PLD5: variants seen among roughly 807,000 people sequenced by gnomAD.
PLD5 encodes inactive phospholipase D5.
PLD5 carries 36 observed loss-of-function variants against 61.1 expected under a neutral mutation model. That is an observed-to-expected ratio of 0.59 (90% CI 0.45 to 0.78). The LOEUF is 0.78. Ranked by LOEUF, PLD5 falls within the 30% of genes least tolerant of loss-of-function variation. The probability of loss-of-function intolerance (pLI) is 0.00; values close to 1 mark genes in which losing one functional copy is unlikely to be tolerated. For synonymous variants in PLD5, 243 were observed against 242.8 expected, an observed-to-expected ratio of 1.00 and a Z score of -0.01; for missense variants, 515 against 644.4, an observed-to-expected ratio of 0.80 and a Z score of 2.17.
At chr1:242,268,971 T>C (rs1332168702) in intron 3 of PLD5, among the ~76,000 whole-genome samples, 1 of 152,166 alleles carries the variant, frequency 6.6e-6, no homozygotes, top group Non-Finnish European at 1.5e-5. Flanking sequence ...GCTTCCCATG[T>C]AGCTGGCACT....
chr1:242,407,468 T>A (rs984003119), intron 1 of PLD5, among the ~76,000 whole-genome samples: 4 of 152,168 alleles, frequency 2.6e-5, no homozygotes, highest in African/African-American at 7.2e-5. Context: ...GAGGTAATCA[T>A]GACTAACAGT....
At chr1:242,339,178 T>C (rs1659696094) in intron 2 of PLD5, among the ~76,000 whole-genome samples, 1 of 152,196 alleles carries the variant, frequency 6.6e-6, no homozygotes, top group African/African-American at 2.4e-5. Context: ...CTTTAATTTA[T>C]ACTTGTATTT....
rs192716279 is a variant in PLD5 at position 242,312,059 on chromosome 1, T to G, written c.327-23529A>C. On this transcript the variant is annotated intron_variant, in intron 2 of 9. Coordinates refer to ENST00000536534, the MANE Select transcript of PLD5 (RefSeq NM_001372062.1). ...CTTCTGTCCAGAATTTCTATTTGAC[T>G]TTTATAATTTCTACTTTTTTTATAT... Among the ~76,000 whole-genome samples, 1,330 of 152,070 alleles carry G rather than the reference T, an allele frequency of 8.7e-3. 26 individuals carry two copies. Among genetic ancestry groups the G allele is most frequent in the African/African-American group, 0.031 (1,272 of 41,536 alleles).
At chr1:242,253,996 CA>C (rs1322501413) in intron 4 of PLD5, among the ~76,000 whole-genome samples, 7 of 152,148 alleles carry the variant, frequency 4.6e-5, no homozygotes, top group Admixed American at 3.9e-4. Flanking sequence ...TGAACAATTC[CA>C]ATACAAACTG....
At chr1:242,144,853 GA>G (rs1664438868) in intron 5 of PLD5, among the ~76,000 whole-genome samples, 2 of 152,118 alleles carry the variant, frequency 1.3e-5, no homozygotes, top group Non-Finnish European at 2.9e-5. Flanking sequence ...TGGGTGGCTT[GA>G]GTGAACAATG....
chr1:242,112,892 G>A (rs1209042012), intron 7 of PLD5, among the ~76,000 whole-genome samples: 1 of 152,172 alleles, frequency 6.6e-6, no homozygotes, highest in East Asian at 1.9e-4. Context: ...CCTAAGCATG[G>A]CCACGCATTT....
chr1:242,488,584 G>A (rs912290944), intron 1 of PLD5, among the ~76,000 whole-genome samples: 1 of 152,206 alleles, frequency 6.6e-6, no homozygotes, highest in African/African-American at 2.4e-5. Flanking sequence ...CAAGGGCTCA[G>A]GGGAGGAAGG....
chr1:242,420,977 C>T (rs999431400), intron 1 of PLD5, among the ~76,000 whole-genome samples: 12 of 151,970 alleles, frequency 7.9e-5, no homozygotes, highest in African/African-American at 2.9e-4. Flanking sequence ...GTCAAGAGAT[C>T]GAGTCCATCC....
intron 5 of PLD5, among the ~76,000 whole-genome samples, chr1:242,182,664 G>A (rs1262911055): frequency 3.3e-5 from 5 of 152,064 alleles, no homozygotes; most frequent in East Asian, 3.9e-4. Flanking sequence ...CCAACATGGC[G>A]AAAAACCATC....
intron 7 of PLD5, among the ~76,000 whole-genome samples, chr1:242,113,034 G>A (rs576922178): frequency 6.6e-6 from 1 of 151,690 alleles, no homozygotes; most frequent in Non-Finnish European, 1.5e-5. Context: ...TCACAGAGAG[G>A]GATGGATTGA....
intron 2 of PLD5, among the ~76,000 whole-genome samples, chr1:242,290,665 A>C (rs1477392490): frequency 1.3e-5 from 2 of 152,124 alleles, no homozygotes; most frequent in Non-Finnish European, 2.9e-5. Context: ...GAAAAAAAGA[A>C]GCTTGAATTT....
intron 1 of PLD5, among the ~76,000 whole-genome samples, chr1:242,385,345 T>C (rs1662536715): frequency 6.6e-6 from 1 of 152,176 alleles, no homozygotes; most frequent in South Asian, 2.1e-4. Context: ...GCTGGCTCCT[T>C]GCTTCTAGCC....
chr1:242,473,155 T>C (rs1004726077), intron 1 of PLD5, among the ~76,000 whole-genome samples: 5 of 152,198 alleles, frequency 3.3e-5, no homozygotes, highest in African/African-American at 9.6e-5. Context: ...CAATTAGCAA[T>C]ACATCACGGT....
intron 8 of PLD5, among the ~76,000 whole-genome samples, chr1:242,107,456 T>C (rs7412254): frequency 0.87 from 132,545 of 152,140 alleles, 57,955 homozygotes; most frequent in African/African-American, 0.95. Context: ...CAACAGAAAG[T>C]GAGAAGAGGG....
chr1:242,217,885 G>A (rs76072862), intron 5 of PLD5, among the ~76,000 whole-genome samples: 13,936 of 152,214 alleles, frequency 0.092, 711 homozygotes, highest in Middle Eastern at 0.15. Context: ...AGGGAAAGTG[G>A]TTGAGATGAA....
At chr1:242,162,782 TTAGAA>T (rs1288918138) in intron 5 of PLD5, among the ~76,000 whole-genome samples, 2 of 151,838 alleles carry the variant, frequency 1.3e-5, no homozygotes, top group Non-Finnish European at 2.9e-5. Flanking sequence ...CTCTGCTAAA[TTAGAA>T]TAGACAGACA....
intron 3 of PLD5, among the ~76,000 whole-genome samples, chr1:242,284,135 T>TCC (rs1674882784): frequency 8.0e-6 from 1 of 125,122 alleles, no homozygotes; most frequent in African/African-American, 3.1e-5. Flanking sequence ...TTTTTTTTTT[T>TCC]TTTTTTTTTT....
intron 5 of PLD5, among the ~76,000 whole-genome samples, chr1:242,133,067 C>T (rs975998503): frequency 1.4e-5 from 2 of 147,908 alleles, no homozygotes; most frequent in African/African-American, 5.0e-5. Context: ...CTTTTCTCTG[C>T]ATCACACAAG....
At chr1:242,168,628 A>T (rs1322604340) in intron 5 of PLD5, among the ~76,000 whole-genome samples, 1 of 152,174 alleles carries the variant, frequency 6.6e-6, no homozygotes, top group African/African-American at 2.4e-5. Context: ...AGTACCACTG[A>T]TGATATGCAA....
Sources: allele counts gnomAD v4.1 joint callset (sites outside exome capture counted in the v4.1 genomes callset), GRCh38; gene constraint gnomAD v4.1.1; transcripts MANE v1.5; gene names NCBI Gene and HGNC (gene_info 2026-07-23, HGNC 2026-07-21).